The following LINGO2 variants were observed in gnomAD, a reference collection of about 807,000 sequenced individuals.
LINGO2 encodes leucine rich repeat and Ig domain containing 2.
Under a neutral mutation model 30.6 loss-of-function variants are expected in LINGO2, and 14 were observed. That is an observed-to-expected ratio of 0.46 (90% CI 0.30 to 0.72). The LOEUF (loss-of-function observed/expected upper bound fraction) is 0.72. Ranked by LOEUF, LINGO2 falls within the 30% of genes least tolerant of loss-of-function variation. The pLI is 0.07. For missense variants in LINGO2, 729 were observed against 751.7 expected (o/e 0.97, Z 0.35); for synonymous variants, 317 against 288.5 (o/e 1.10, Z -1.00).
At chr9:28,759,417 T>C in the LINGO2 span, among the ~76,000 whole-genome samples, 2 of 152,126 alleles carry the variant, frequency 1.3e-5, no homozygotes, top group Non-Finnish European at 2.9e-5. Flanking sequence ...GTGCGGTGGC[T>C]CACACCTGTA....
the LINGO2 span, among the ~76,000 whole-genome samples, chr9:28,718,566 C>G: frequency 6.6e-6 from 1 of 152,004 alleles, no homozygotes; most frequent in African/African-American, 2.4e-5. Context: ...TCTCTGAAAT[C>G]CCTGCTCTGA....
the LINGO2 span, among the ~76,000 whole-genome samples, chr9:29,202,032 C>G: frequency 3.9e-5 from 6 of 151,988 alleles, no homozygotes; most frequent in East Asian, 1.2e-3. Context: ...TTAAAACTGT[C>G]TAAATGTTCT....
At chr9:29,141,052 T>C in the LINGO2 span, among the ~76,000 whole-genome samples, 3 of 152,048 alleles carry the variant, frequency 2.0e-5, no homozygotes, top group Non-Finnish European at 4.4e-5. Flanking sequence ...GAGTCCTTCA[T>C]GTTGAAATGA....
the LINGO2 span, among the ~76,000 whole-genome samples, chr9:28,936,932 G>T: frequency 3.3e-5 from 5 of 152,264 alleles, no homozygotes; most frequent in African/African-American, 1.2e-4. Context: ...GCTTTCAGAT[G>T]ACTGCTTTCT....
At chr9:28,875,541 T>A in the LINGO2 span, among the ~76,000 whole-genome samples, 5 of 152,086 alleles carry the variant, frequency 3.3e-5, no homozygotes, top group South Asian at 6.2e-4. Context: ...CTGGATTTTT[T>A]AAATCCAGGA....
exon 6 of LINGO2, chr9:27,948,973 T>G (rs1375674116): frequency 5.6e-6 from 9 of 1,613,898 alleles, no homozygotes; most frequent in Non-Finnish European, 7.6e-6. Flanking sequence ...TTCCCTCGGC[T>G]CCACACAAAA....
chr9:28,032,604 T>A (rs188407607), intron 4 of LINGO2, among the ~76,000 whole-genome samples: 1 of 152,306 alleles, frequency 6.6e-6, no homozygotes, highest in Non-Finnish European at 1.5e-5. Context: ...ATGTTTTTAG[T>A]CCCTTTTACA....
chr9:28,152,076 G>C lies in LINGO2; in HGVS notation c.-86-139671C>G, dbSNP rs529998289. On this transcript the variant is annotated intron_variant, in intron 4 of 5. Transcript: ENST00000379992. ...AAGTATAGAACTGGCAAAAGAATAG[G>C]CAGATTAATAGATGCTATAGTTTGG... Among the ~76,000 whole-genome samples, 190 of 152,232 alleles carry C rather than the reference G, an allele frequency of 1.2e-3. 1 individual carries two copies. The Middle Eastern group carries it at 0.017, about 14-fold the overall frequency.
chr9:28,691,587 T>A, the LINGO2 span, among the ~76,000 whole-genome samples: 12 of 152,092 alleles, frequency 7.9e-5, no homozygotes, highest in African/African-American at 2.9e-4. Context: ...GAAAAAAAAA[T>A]TGCCTCTTAA....
intron 4 of LINGO2, among the ~76,000 whole-genome samples, chr9:28,152,326 T>C (rs1828023328): frequency 6.6e-6 from 1 of 152,138 alleles, no homozygotes. Context: ...TCTTGCTTTC[T>C]TTCTCGCCAT....
intron 1 of LINGO2, among the ~76,000 whole-genome samples, chr9:28,596,480 A>C (rs145434720): frequency 6.6e-6 from 1 of 152,198 alleles, no homozygotes; most frequent in South Asian, 2.1e-4. Context: ...ATATCATAAG[A>C]AAAATCAATT....
At chr9:29,204,814 A>G in the LINGO2 span, among the ~76,000 whole-genome samples, 16 of 152,212 alleles carry the variant, frequency 1.1e-4, no homozygotes, top group Non-Finnish European at 1.8e-4. Flanking sequence ...ACCTTATTTA[A>G]ATGATTTCCA....
At chr9:28,575,405 A>AC (rs1252593429) in intron 1 of LINGO2, among the ~76,000 whole-genome samples, 8 of 151,214 alleles carry the variant, frequency 5.3e-5, no homozygotes, top group Non-Finnish European at 1.0e-4. Flanking sequence ...TCAAAAAAAA[A>AC]AACAACAAAA....
chr9:28,043,680 T>G (rs1200951978), intron 4 of LINGO2, among the ~76,000 whole-genome samples: 1 of 152,156 alleles, frequency 6.6e-6, no homozygotes, highest in Non-Finnish European at 1.5e-5. Context: ...ATGATCAAAT[T>G]TTGCTCAATG....
At chr9:29,036,653 A>G in the LINGO2 span, among the ~76,000 whole-genome samples, 101 of 152,144 alleles carry the variant, frequency 6.6e-4, 1 homozygote, top group East Asian at 0.019. Flanking sequence ...TAGCTTGGTC[A>G]TGATTCTGTT....
intron 3 of LINGO2, among the ~76,000 whole-genome samples, chr9:28,343,201 G>C (rs1819425067): frequency 1.3e-5 from 2 of 152,034 alleles, no homozygotes; most frequent in Admixed American, 1.3e-4. Flanking sequence ...CAGGGTAATG[G>C]GTCATACAAT....
At chr9:29,082,952 T>C in the LINGO2 span, among the ~76,000 whole-genome samples, 2 of 152,070 alleles carry the variant, frequency 1.3e-5, no homozygotes. Flanking sequence ...GGAGAGGATG[T>C]GGAGAAATAG....
chr9:28,968,312 T>C, the LINGO2 span, among the ~76,000 whole-genome samples: 1 of 152,166 alleles, frequency 6.6e-6, no homozygotes, highest in Non-Finnish European at 1.5e-5. Context: ...ATATCTCCTT[T>C]TACTTTGTTA....
At chr9:28,031,044 T>C (rs1050543208) in intron 4 of LINGO2, among the ~76,000 whole-genome samples, 10 of 152,166 alleles carry the variant, frequency 6.6e-5, no homozygotes, top group Non-Finnish European at 1.2e-4. Context: ...TTCCCAATTC[T>C]AATATTGATT....
Sources: allele counts gnomAD v4.1 joint callset (sites outside exome capture counted in the v4.1 genomes callset), GRCh38; gene constraint gnomAD v4.1.1; transcripts MANE v1.5; gene names NCBI Gene and HGNC (gene_info 2026-07-23, HGNC 2026-07-21).